HECW1: variants seen among roughly 807,000 people sequenced by gnomAD.
The protein encoded by HECW1 is HECT, C2 and WW domain containing E3 ubiquitin protein ligase 1.
HECW1 carries 61 observed loss-of-function variants against 182.3 expected under a neutral mutation model. The observed-to-expected ratio is 0.33, with a 90% confidence interval of 0.27 to 0.41. The LOEUF is 0.41. Ranked by LOEUF, HECW1 falls within the 10% of genes least tolerant of loss-of-function variation. The pLI is 1.00. For synonymous variants in HECW1, 859 were observed against 832.6 expected (o/e 1.03, Z -0.55); for missense variants, 1,739 against 2,108.9 (o/e 0.82, Z 3.44).
chr7:43,556,818 T>G (rs978085826), intron 29 of HECW1, among the ~76,000 whole-genome samples: 3 of 152,126 alleles, frequency 2.0e-5, no homozygotes, highest in African/African-American at 7.2e-5. Context: ...CATATTTGCT[T>G]TGGAAGCTTT....
chr7:43,264,779 G>T (rs1801584593), intron 3 of HECW1, among the ~76,000 whole-genome samples: 1 of 150,318 alleles, frequency 6.7e-6, no homozygotes, highest in Non-Finnish European at 1.5e-5. Context: ...AGGAGGCGGA[G>T]CTTGCAGTGA....
intron 17 of HECW1, among the ~76,000 whole-genome samples, chr7:43,480,643 ATGTG>A (rs111776916): frequency 3.4e-5 from 5 of 146,676 alleles, no homozygotes; most frequent in African/African-American, 8.0e-5. Context: ...GTGTGTACAT[ATGTG>A]TGTGTGTGTG....
At chr7:43,558,647 GT>G (rs1367873484) in intron 29 of HECW1, among the ~76,000 whole-genome samples, 1 of 152,134 alleles carries the variant, frequency 6.6e-6, no homozygotes, top group African/African-American at 2.4e-5. Context: ...GAGTTATCAA[GT>G]TTGAAAAGTG....
At chr7:43,258,374 T>TA (rs755788012) in intron 3 of HECW1, among the ~76,000 whole-genome samples, 5 of 146,160 alleles carry the variant, frequency 3.4e-5, no homozygotes, top group South Asian at 2.2e-4. Flanking sequence ...AATAAAAAAA[T>TA]AAAAAAAAAG....
intron 3 of HECW1, among the ~76,000 whole-genome samples, chr7:43,290,805 C>A (rs1318563349): frequency 6.6e-6 from 1 of 152,168 alleles, no homozygotes; most frequent in Admixed American, 6.5e-5. Context: ...CCCAGGGAGG[C>A]AGTGCTTGGG....
Position 43,508,127 on chromosome 7 carries a change from G to C in HECW1, c.3862G>C (p.Glu1288Gln). 6.2e-7 allele frequency: 1 copy of C among 1,610,716 alleles called. No individual in the cohort carries two copies. The highest frequency in any genetic ancestry group is 8.5e-7 in the Non-Finnish European group (1 of 1,176,996). The change falls in exon 23 of 30, where the codon GAG becomes CAG. Residue 1288 changes from glutamate (E) to glutamine (Q), a missense_variant. Physicochemically the swap from Glu to Gln is conservative, Grantham distance 29. Coordinates refer to ENST00000395891, the MANE Select transcript of HECW1 (RefSeq NM_015052.5). ...NKLYVTFVGE[E>Q]GLDYSGPSRE... ...GCTCTACGTCACCTTTGTTGGAGAG[G>C]AGGGGTGAGGCACCAGGAGTTTTAT... is the stretch of plus-strand genomic sequence containing the variant.
rs540280185 is a variant in HECW1, at chr7:43,161,371, A to G, written c.-32+46980A>G. Among the ~76,000 whole-genome samples the G allele has an allele frequency of 1.4e-4, 22 of 152,302 alleles. No homozygotes were observed. The South Asian group carries it at 4.4e-3, about 30-fold the overall frequency. On this transcript the variant is annotated intron_variant, in intron 2 of 29. Coordinates refer to ENST00000395891, the MANE Select transcript of HECW1 (RefSeq NM_015052.5). ...CTGGTGGAGGGAAGTTAGAGATCCC[A>G]TAGCAACCTCTCTGAAGTGTGGCCT...
intron 2 of HECW1, among the ~76,000 whole-genome samples, chr7:43,228,228 G>A (rs1285853551): frequency 1.3e-5 from 2 of 152,110 alleles, no homozygotes; most frequent in African/African-American, 4.8e-5. Context: ...GCTCACGCCT[G>A]TAATCCCAGC....
At chr7:43,388,161 T>C (rs2074875565) in intron 6 of HECW1, among the ~76,000 whole-genome samples, 1 of 152,200 alleles carries the variant, frequency 6.6e-6, no homozygotes, top group African/African-American at 2.4e-5. Flanking sequence ...CACCATATTG[T>C]ACACCTGCCT....
intron 2 of HECW1, among the ~76,000 whole-genome samples, chr7:43,191,467 A>G (rs946041058): frequency 6.6e-6 from 1 of 151,270 alleles, no homozygotes; most frequent in Non-Finnish European, 1.5e-5. Context: ...AGTCAATGTC[A>G]GGCGTGGCCC....
chr7:43,310,431 A>G (rs1003318374), intron 3 of HECW1, among the ~76,000 whole-genome samples: 1 of 152,182 alleles, frequency 6.6e-6, no homozygotes, highest in Non-Finnish European at 1.5e-5. Flanking sequence ...TATGGCCCCA[A>G]TAAGGTGATG....
Position 43,243,901 on chromosome 7 carries a change from T to C in HECW1, c.-5T>C. ...AATTGATGCGCGTACACGTGGTGGG[T>C]CATTATGCTGCTGCACCTGTGTAGT... On this transcript the variant is annotated 5_prime_UTR_variant, in exon 3 of 30. Coordinates refer to ENST00000395891, the MANE Select transcript of HECW1 (RefSeq NM_015052.5). This position sits in a 1 kb window ranked among gnomAD's most constrained non-coding sequence, Gnocchi z 4.0. 6.2e-7 allele frequency: 1 copy of C among 1,613,606 alleles called. No individual in the cohort carries two copies. Among genetic ancestry groups the C allele is most frequent in the Non-Finnish European group, 8.5e-7 (1 of 1,179,528 alleles).
chr7:43,436,438 C>T (rs1330020551), intron 8 of HECW1, among the ~76,000 whole-genome samples: 1 of 151,994 alleles, frequency 6.6e-6, no homozygotes, highest in African/African-American at 2.4e-5. Flanking sequence ...ATCACCTGGG[C>T]GCAGGCAGGC....
intron 8 of HECW1, among the ~76,000 whole-genome samples, chr7:43,428,759 C>T (rs2076439137): frequency 6.6e-6 from 1 of 152,118 alleles, no homozygotes; most frequent in Admixed American, 6.5e-5. Context: ...CTAAAGTAGG[C>T]ACAAGAAGGT....
chr7:43,482,044 C>T (rs2152909281), intron 17 of HECW1, among the ~76,000 whole-genome samples: 1 of 151,826 alleles, frequency 6.6e-6, no homozygotes, highest in Non-Finnish European at 1.5e-5. Flanking sequence ...TTGCTGTGTA[C>T]CAGCCATCTG....
intron 2 of HECW1, among the ~76,000 whole-genome samples, chr7:43,206,589 C>T (rs73690269): frequency 1.3e-5 from 2 of 152,166 alleles, no homozygotes; most frequent in Non-Finnish European, 2.9e-5. Context: ...GCTCATTAAT[C>T]TCTGTATTGT....
rs766774311 is a variant in HECW1, at chr7:43,445,528, G to A, written c.2356G>A (p.Gly786Ser). Residue 786 changes from glycine to serine, a missense_variant, in exon 11 of 30, where the codon GGT (glycine) becomes AGT (serine). By Grantham distance (56) the Gly-to-Ser change is moderately conservative (BLOSUM62 0). Coordinates refer to ENST00000395891, the MANE Select transcript of HECW1 (RefSeq NM_015052.5). ...CGGGCACGTGGAAAGAAGCCCGGAAGGTCTGGAATCCCCCGTGGCAGGTCC... is the reference window on the plus strand; with the variant it reads ...CGGGCACGTGGAAAGAAGCCCGGAAAGTCTGGAATCCCCCGTGGCAGGTCC... ...PSGHVERSPE[G>S]LESPVAGPSN... is the part of the protein sequence containing the mutation. 2.5e-6 allele frequency: 4 copies of A among 1,607,138 alleles called. No individual in the cohort carries two copies. The East Asian group carries it at 6.7e-5, about 27-fold the overall frequency.
At chr7:43,136,565 A>G (rs572197769) in intron 2 of HECW1, among the ~76,000 whole-genome samples, 2 of 152,322 alleles carry the variant, frequency 1.3e-5, no homozygotes, top group South Asian at 4.1e-4. Flanking sequence ...TCCTTCCACA[A>G]TGGAGGAATG....
chr7:43,251,290 C>G (rs989939100), intron 3 of HECW1, among the ~76,000 whole-genome samples: 2 of 152,136 alleles, frequency 1.3e-5, no homozygotes, highest in African/African-American at 4.8e-5. Context: ...TGTGGATGCA[C>G]AAAATCTAGT....
Sources: allele counts gnomAD v4.1 joint callset (sites outside exome capture counted in the v4.1 genomes callset), GRCh38; gene constraint gnomAD v4.1.1; non-coding constraint Gnocchi (gnomAD v3.1); transcripts MANE v1.5; gene names NCBI Gene and HGNC (gene_info 2026-07-23, HGNC 2026-07-21).